Variants in ELMO1 observed in about 807,000 individuals in gnomAD.
ELMO1 encodes engulfment and cell motility protein 1.
A neutral mutation model predicts 98.9 loss-of-function variants in ELMO1; 26 were observed. The observed-to-expected ratio is 0.26, with a 90% confidence interval of 0.19 to 0.36. The LOEUF is 0.36. Among genes scored for constraint, ELMO1 ranks in the 10% least tolerant of loss-of-function variants. The pLI is 1.00. For missense variants in ELMO1, 627 were observed against 935.2 expected (o/e 0.67, Z 4.30); for synonymous variants, 346 against 346.0 (o/e 1.00, Z 0.00).
At chr7:37,175,921 A>G (rs999476129) in intron 13 of ELMO1, among the ~76,000 whole-genome samples, 2 of 152,178 alleles carry the variant, frequency 1.3e-5, no homozygotes, top group African/African-American at 4.8e-5. Context: ...CTCTGTTCTC[A>G]GTGTATAAGA....
intron 2 of ELMO1, among the ~76,000 whole-genome samples, chr7:37,324,475 G>A (rs1799690464): frequency 6.6e-6 from 1 of 152,200 alleles, no homozygotes; most frequent in Non-Finnish European, 1.5e-5. Flanking sequence ...AAATGTTCAT[G>A]AGGTGGTATC....
intron 6 of ELMO1, among the ~76,000 whole-genome samples, chr7:37,253,720 T>TA (rs36042026): frequency 0.42 from 49,889 of 117,770 alleles, 9,120 homozygotes; most frequent in African/African-American, 0.52. Flanking sequence ...GAACTTAAAG[T>TA]AAAAAAAAAA....
intron 1 of ELMO1, among the ~76,000 whole-genome samples, chr7:37,347,361 T>C (rs565280605): frequency 1.3e-5 from 2 of 152,296 alleles, no homozygotes; most frequent in Admixed American, 1.3e-4. Flanking sequence ...GCAGGATGAC[T>C]GGCAGCATAC....
intron 13 of ELMO1, among the ~76,000 whole-genome samples, chr7:37,175,961 T>C (rs1790476084): frequency 6.6e-6 from 1 of 152,240 alleles, no homozygotes; most frequent in African/African-American, 2.4e-5. Context: ...CAAGTTGAAC[T>C]GCAATACCTG....
intron 16 of ELMO1, among the ~76,000 whole-genome samples, chr7:36,903,691 A>T (rs1225807068): frequency 6.6e-6 from 1 of 152,216 alleles, no homozygotes; most frequent in East Asian, 1.9e-4. Context: ...GGTCCGAATT[A>T]GGCAGCACAA....
At chr7:37,347,880 G>A (rs540327846) in intron 1 of ELMO1, among the ~76,000 whole-genome samples, 1 of 152,234 alleles carries the variant, frequency 6.6e-6, no homozygotes, top group African/African-American at 2.4e-5. Context: ...CAGCACACAA[G>A]CCCAACTCCT....
At chr7:37,399,404 G>T (rs1347932348) in intron 1 of ELMO1, among the ~76,000 whole-genome samples, 2 of 152,012 alleles carry the variant, frequency 1.3e-5, no homozygotes, top group African/African-American at 4.8e-5. Flanking sequence ...ATTCTACCAG[G>T]GCCAGGGCAT....
At chr7:37,336,419 G>A (rs1800412142) in intron 2 of ELMO1, among the ~76,000 whole-genome samples, 1 of 152,164 alleles carries the variant, frequency 6.6e-6, no homozygotes, top group Non-Finnish European at 1.5e-5. Context: ...TGAAACTAGT[G>A]GTTAGCTGGC....
At chr7:37,024,666 A>G (rs1009151272) in intron 15 of ELMO1, among the ~76,000 whole-genome samples, 6 of 152,206 alleles carry the variant, frequency 3.9e-5, no homozygotes, top group Admixed American at 1.3e-4. Flanking sequence ...CTATGATGGG[A>G]ATAACAAAAA....
intron 14 of ELMO1, among the ~76,000 whole-genome samples, chr7:37,118,819 G>C (rs565325724): frequency 2.3e-4 from 35 of 152,198 alleles, no homozygotes; most frequent in African/African-American, 8.2e-4. Flanking sequence ...TGTAAGCCCT[G>C]AAAAAAGGCA....
intron 21 of ELMO1, among the ~76,000 whole-genome samples, chr7:36,860,877 T>C (rs1802577399): frequency 6.6e-6 from 1 of 152,212 alleles, no homozygotes; most frequent in Non-Finnish European, 1.5e-5. Flanking sequence ...GAAAACTAGA[T>C]ACTGAATAAC....
At chr7:37,266,994 C>T in intron 5 of ELMO1, among the ~76,000 whole-genome samples, 1 of 139,214 alleles carries the variant, frequency 7.2e-6, no homozygotes, top group Non-Finnish European at 1.5e-5. Flanking sequence ...GCCTGGGCGA[C>T]AGAGCAAGAC....
At chr7:37,226,369 G>A (rs1166802689) in intron 8 of ELMO1, among the ~76,000 whole-genome samples, 3 of 151,912 alleles carry the variant, frequency 2.0e-5, no homozygotes, top group Non-Finnish European at 2.9e-5. Flanking sequence ...CTTATTCCTC[G>A]CAGTCTGCTC....
At chr7:37,376,037 T>C in intron 1 of ELMO1, 1 of 430,262 alleles carries the variant, frequency 2.3e-6, no homozygotes, top group South Asian at 2.2e-5. Context: ...TGGAGAGGAT[T>C]ATTTCACATT....
At chr7:37,339,185 T>C (rs965280650) in intron 2 of ELMO1, among the ~76,000 whole-genome samples, 2 of 152,208 alleles carry the variant, frequency 1.3e-5, no homozygotes, top group Non-Finnish European at 1.5e-5. Flanking sequence ...ATTAGATTCA[T>C]CTGGTGCTTA....
intron 7 of ELMO1, among the ~76,000 whole-genome samples, chr7:37,239,808 G>A (rs1392855593): frequency 6.6e-5 from 10 of 152,184 alleles, no homozygotes; most frequent in Non-Finnish European, 8.8e-5. Context: ...CCAGGCTCTG[G>A]TATCCCCACC....
At chr7:37,019,529 T>C (rs944698271) in intron 15 of ELMO1, among the ~76,000 whole-genome samples, 1 of 152,234 alleles carries the variant, frequency 6.6e-6, no homozygotes, top group Non-Finnish European at 1.5e-5. Flanking sequence ...TACACGTTTA[T>C]ACACGAGAGC....
At chr7:36,916,219 G>A (rs1784680142) in intron 16 of ELMO1, among the ~76,000 whole-genome samples, 2 of 152,188 alleles carry the variant, frequency 1.3e-5, no homozygotes, top group Admixed American at 1.3e-4. Context: ...TTCTTTTGGT[G>A]TTAACTTTCC....
At chr7:37,122,741 AT>A (rs1439922744) in intron 14 of ELMO1, among the ~76,000 whole-genome samples, 5 of 152,188 alleles carry the variant, frequency 3.3e-5, no homozygotes, top group African/African-American at 1.2e-4. Flanking sequence ...CAGAAAGTTA[AT>A]AAGGATATCC....
Sources: gnomAD v4.1 joint callset for allele counts (sites outside exome capture counted in the v4.1 genomes callset) on GRCh38, gnomAD v4.1.1 for gene constraint, MANE v1.5 for transcripts, NCBI Gene and HGNC (gene_info 2026-07-23, HGNC 2026-07-21) for gene names.